Variants in UBE2K observed in about 807,000 individuals in gnomAD.
The protein encoded by UBE2K is ubiquitin conjugating enzyme E2 K, also known as ubiquitin-conjugating enzyme E2 K.
A neutral mutation model predicts 30.0 loss-of-function variants in UBE2K; 6 were observed. The ratio of observed to expected loss-of-function variants is 0.20; its 90% CI spans 0.11 to 0.39. UBE2K has a LOEUF of 0.39. Ranked by LOEUF, UBE2K falls within the 10% of genes least tolerant of loss-of-function variation. UBE2K has a pLI of 1.00. For synonymous variants in UBE2K, 86 were observed against 83.7 expected, an observed-to-expected ratio of 1.03 and a Z score of -0.15; for missense variants, 61 against 241.6, an observed-to-expected ratio of 0.25 and a Z score of 4.96.
chr4:39,720,577 A>G (rs1380123929), intron 1 of UBE2K, among the ~76,000 whole-genome samples: 1 of 152,158 alleles, frequency 6.6e-6, no homozygotes, highest in Admixed American at 6.6e-5. Flanking sequence ...GGACCTATGG[A>G]AGTTGGGTAT....
Position 39,735,869 on chromosome 4 carries a change from T to G in UBE2K, c.64-1551T>G, listed in dbSNP as rs116404393. 5.8e-3 allele frequency among the ~76,000 whole-genome samples: 891 copies of G among 152,340 alleles called. 6 individuals are homozygous for G. Among genetic ancestry groups the G allele is most frequent in the African/African-American group, 0.02 (846 of 41,580 alleles). ...AAGTACTAATTAGAAAGTAAGTTTTTAAATCCTATGTTTTTATTAAAAAAC... is the reference window on the plus strand; with the variant it reads ...AAGTACTAATTAGAAAGTAAGTTTTGAAATCCTATGTTTTTATTAAAAAAC... On this transcript the variant is annotated intron_variant, in intron 1 of 6. Transcript: ENST00000261427.
intron 1 of UBE2K, among the ~76,000 whole-genome samples, chr4:39,717,851 G>C (rs1719174067): frequency 1.3e-5 from 2 of 151,598 alleles, no homozygotes; most frequent in South Asian, 2.1e-4. Context: ...TGAAGCTGCA[G>C]ACCTTCGCGG....
rs1345506344 is a variant in UBE2K at position 39,781,445 on chromosome 4, T to A, written c.*3011T>A. 6.6e-6 allele frequency: 1 copy of A among 152,616 alleles called. No individual in the cohort carries two copies. Among genetic ancestry groups the A allele is most frequent in the African/African-American group, 2.4e-5 (1 of 41,464 alleles). 9.5% of individuals were successfully genotyped at this position (152,616 alleles called of 1,614,324 possible). A position where few individuals can be genotyped will look rare whatever the true frequency, so the allele number is the denominator to read the frequency against. ...GGCAGTTTAAACGGATTTTGCTTAT[T>A]TATGCACTACAGAATGCAGCATACT... On this transcript the variant is annotated 3_prime_UTR_variant, in exon 7 of 7. Transcript: ENST00000261427.
intron 1 of UBE2K, among the ~76,000 whole-genome samples, chr4:39,705,291 G>A (rs911734434): frequency 6.8e-6 from 1 of 146,558 alleles, no homozygotes; most frequent in Non-Finnish European, 1.5e-5. Flanking sequence ...TCTGCCTCCC[G>A]GGTTCAAGCG....
rs1255257235 is a variant in UBE2K at position 39,779,268 on chromosome 4, G to A, written c.*834G>A. The A allele has an allele frequency of 6.6e-6, 1 of 152,112 alleles. No homozygotes were observed. The highest frequency in any genetic ancestry group is 2.4e-5 in the African/African-American group (1 of 41,428). 9.4% of individuals were successfully genotyped at this position (152,112 alleles called of 1,614,324 possible). The stretch of plus-strand genomic sequence containing the variant: ...TCTCTTGCAAAAATAGTAAATACTT[G>A]ATGTTACATTATTCCCAGGTTTAAT... On this transcript the variant is annotated 3_prime_UTR_variant, in exon 7 of 7. Transcript: ENST00000261427.
intron 4 of UBE2K, among the ~76,000 whole-genome samples, chr4:39,766,277 T>C (rs1273771318): frequency 6.6e-6 from 1 of 152,094 alleles, no homozygotes; most frequent in East Asian, 1.9e-4. Flanking sequence ...GAGTTCCATT[T>C]CTCCACAACC....
In UBE2K at chr4:39,777,650, T is replaced by C. The variant is rs774279778; in HGVS notation, c.400-32T>C. On this transcript the variant is annotated intron_variant, in intron 5 of 6. Coordinates refer to ENST00000261427, the MANE Select transcript of UBE2K (RefSeq NM_005339.5). ...AATATATCAAATATTATAACTGTAA[T>C]GTCATGTCAATCAATTTTTCCCCCC... 5.9e-6 allele frequency: 9 copies of C among 1,515,190 alleles called. No individual in the cohort carries two copies. In the Admixed American group the frequency reaches 7.9e-5, roughly 13 times the overall value. 93.9% of individuals were successfully genotyped at this position (1,515,190 alleles called of 1,614,324 possible).
chr4:39,700,358 C>T (rs549731474), intron 1 of UBE2K, among the ~76,000 whole-genome samples: 5 of 152,198 alleles, frequency 3.3e-5, no homozygotes, highest in Non-Finnish European at 7.4e-5. Flanking sequence ...TGCAAACAGA[C>T]AGGTTTTTTG....
chr4:39,708,198 C>T (rs1718482843), intron 1 of UBE2K, among the ~76,000 whole-genome samples: 1 of 151,986 alleles, frequency 6.6e-6, no homozygotes, highest in South Asian at 2.1e-4. Context: ...CCGCGCCTGG[C>T]CGAGATTCTT....
chr4:39,722,756 G>A (rs1175711321), intron 1 of UBE2K, among the ~76,000 whole-genome samples: 1 of 151,686 alleles, frequency 6.6e-6, no homozygotes, highest in African/African-American at 2.4e-5. Flanking sequence ...ATGTTATAAG[G>A]AAATGATGTT....
intron 2 of UBE2K, among the ~76,000 whole-genome samples, chr4:39,742,645 G>A (rs1720767473): frequency 6.6e-6 from 1 of 152,200 alleles, no homozygotes; most frequent in South Asian, 2.1e-4. Flanking sequence ...AGGAGGCTGA[G>A]GTAGGAGAAT....
At chr4:39,732,344 T>C (rs1415679250) in intron 1 of UBE2K, among the ~76,000 whole-genome samples, 1 of 152,220 alleles carries the variant, frequency 6.6e-6, no homozygotes, top group African/African-American at 2.4e-5. Context: ...TTCCAGTGTT[T>C]AGTTTTTCCC....
intron 4 of UBE2K, chr4:39,770,574 G>GC: frequency 6.3e-7 from 1 of 1,584,412 alleles, no homozygotes. Flanking sequence ...GCCCGAGGTG[G>GC]CCCCCACGCT....
At chr4:39,736,368 A>G (rs1720380266) in intron 1 of UBE2K, among the ~76,000 whole-genome samples, 1 of 152,212 alleles carries the variant, frequency 6.6e-6, no homozygotes, top group Non-Finnish European at 1.5e-5. Context: ...AGGCTGAAGC[A>G]GGAGAGTCAC....
intron 1 of UBE2K, among the ~76,000 whole-genome samples, chr4:39,707,510 T>C (rs1718434111): frequency 6.7e-6 from 1 of 149,780 alleles, no homozygotes; most frequent in Non-Finnish European, 1.5e-5. Context: ...TGTATGACTG[T>C]ATGAGGGAGG....
intron 2 of UBE2K, among the ~76,000 whole-genome samples, chr4:39,741,291 T>G (rs1187465055): frequency 6.6e-6 from 1 of 152,006 alleles, no homozygotes; most frequent in African/African-American, 2.4e-5. Flanking sequence ...AGTGCTTATT[T>G]CTGCTGCTGC....
At chr4:39,700,603 G>GTA (rs1245818526) in intron 1 of UBE2K, among the ~76,000 whole-genome samples, 1 of 152,148 alleles carries the variant, frequency 6.6e-6, no homozygotes, top group Non-Finnish European at 1.5e-5. Flanking sequence ...AAGACTTGTA[G>GTA]TATAGTCCAT....
chr4:39,743,564 A>G (rs900463699), intron 2 of UBE2K, among the ~76,000 whole-genome samples: 4 of 151,328 alleles, frequency 2.6e-5, no homozygotes, highest in African/African-American at 9.7e-5. Context: ...AGATCCCGCC[A>G]CTGCACTCCA....
At chr4:39,777,065 T>C (rs908939889) in intron 5 of UBE2K, among the ~76,000 whole-genome samples, 4 of 152,242 alleles carry the variant, frequency 2.6e-5, no homozygotes, top group African/African-American at 9.6e-5. Flanking sequence ...TACTAAGTAA[T>C]GGTGGTTCCA....
Sources: gnomAD v4.1 joint callset for allele counts (sites outside exome capture counted in the v4.1 genomes callset) on GRCh38, gnomAD v4.1.1 for gene constraint, MANE v1.5 for transcripts, NCBI Gene and HGNC (gene_info 2026-07-23, HGNC 2026-07-21) for gene names.